The following CACNA1D variants were observed in gnomAD, a reference collection of about 807,000 sequenced individuals.
CACNA1D encodes calcium voltage-gated channel subunit alpha1 D.
In CACNA1D, 55 loss-of-function variants were observed where a neutral mutation model predicts 257.1. That is an observed-to-expected ratio of 0.21 (90% confidence interval 0.17 to 0.27). CACNA1D has a LOEUF of 0.27. CACNA1D is among the 10% of genes least tolerant of loss of function. CACNA1D has a pLI of 1.00. For missense variants in CACNA1D, 1,876 were observed against 2,784.0 expected, an observed-to-expected ratio of 0.67 and a Z score of 7.34; for synonymous variants, 980 against 1,014.9, an observed-to-expected ratio of 0.97 and a Z score of 0.65.
chr3:53,727,068 T>C, intron 15 of CACNA1D, 69 bp downstream of exon 15: 1 of 1,574,326 alleles, frequency 6.4e-7, no homozygotes. Context: ...TCCTCTGCAT[T>C]TCTCTGTGGT....
chr3:53,628,615 TA>T (rs1022696961), intron 3 of CACNA1D, among the ~76,000 whole-genome samples: 4 of 152,250 alleles, frequency 2.6e-5, no homozygotes, highest in African/African-American at 9.6e-5. Flanking sequence ...TTCAAGGTCT[TA>T]AAAAAAATCT....
In CACNA1D at chr3:53,789,224, G is replaced by A. The variant is rs1041039245; in HGVS notation, c.4923+2272G>A. Among the ~76,000 whole-genome samples, 2 of 152,188 alleles carry A rather than the reference G, an allele frequency of 1.3e-5. No homozygotes were observed. The highest frequency in any genetic ancestry group is 2.9e-5 in the Non-Finnish European group (2 of 68,044). ...GATGATACCAACATATTTTCGCATG[G>A]CTCCATTGGGAGCTGAAGCATCGTC... On this transcript the variant is annotated intron_variant, in intron 40 of 47. Coordinates refer to ENST00000350061, the MANE Select transcript of CACNA1D (RefSeq NM_001128840.3). The surrounding 1 kb of genome is among the most constrained non-coding windows in gnomAD (Gnocchi z 4.2).
At chr3:53,601,500 G>T (rs899740028) in intron 3 of CACNA1D, among the ~76,000 whole-genome samples, 1 of 152,078 alleles carries the variant, frequency 6.6e-6, no homozygotes, top group Non-Finnish European at 1.5e-5. Context: ...ATAATTCCTG[G>T]GATTCTAAAA....
chr3:53,759,532 T>C (rs541809270), intron 29 of CACNA1D, among the ~76,000 whole-genome samples: 12 of 152,250 alleles, frequency 7.9e-5, no homozygotes, highest in Non-Finnish European at 1.8e-4. Flanking sequence ...TTGTCAGTAC[T>C]CTGGAGGTCT....
chr3:53,511,781 T>C (rs2091123151), intron 3 of CACNA1D, among the ~76,000 whole-genome samples: 1 of 152,158 alleles, frequency 6.6e-6, no homozygotes, highest in South Asian at 2.1e-4. Flanking sequence ...TAAAATATAG[T>C]CCCATTAGAC....
intron 9 of CACNA1D, among the ~76,000 whole-genome samples, chr3:53,705,280 C>T (rs1260142671): frequency 6.6e-6 from 1 of 152,046 alleles, no homozygotes; most frequent in East Asian, 1.9e-4. Flanking sequence ...GGGGTGGGGG[C>T]TTTTTCAAGC....
intron 26 of CACNA1D, among the ~76,000 whole-genome samples, chr3:53,747,950 G>C (rs2095187396): frequency 6.6e-6 from 1 of 152,194 alleles, no homozygotes; most frequent in Non-Finnish European, 1.5e-5. Context: ...ACTGGGCTCT[G>C]GCTGACTGCG....
intron 42 of CACNA1D, 42 bp downstream of exon 42, chr3:53,801,467 GC>G: frequency 6.2e-7 from 1 of 1,609,452 alleles, no homozygotes; most frequent in Non-Finnish European, 8.5e-7. Context: ...TGTGGTGTCT[GC>G]CCGTGTTGCG....
At chr3:53,664,971 TAAC>T (rs1447701929) in intron 5 of CACNA1D, among the ~76,000 whole-genome samples, 2 of 152,058 alleles carry the variant, frequency 1.3e-5, no homozygotes, top group African/African-American at 4.8e-5. Flanking sequence ...TGCATTCTTC[TAAC>T]AACAGGCTCT....
At chr3:53,797,485 C>T (rs1182199438) in intron 40 of CACNA1D, among the ~76,000 whole-genome samples, 1 of 152,168 alleles carries the variant, frequency 6.6e-6, no homozygotes, top group Non-Finnish European at 1.5e-5. Context: ...TTCTTCTCTC[C>T]TCCTCTAATG....
Position 53,495,052 on chromosome 3 carries a change from A to C in CACNA1D, c.-115A>C. 1.7e-6 allele frequency: 1 copy of C among 589,790 alleles called. No individual in the cohort carries two copies. Among genetic ancestry groups the C allele is most frequent in the Non-Finnish European group, 3.2e-6 (1 of 311,876 alleles). The allele number at this position is 589,790 out of a possible 1,614,324, so 36.5% of individuals were successfully genotyped here. A position where few individuals can be genotyped will look rare whatever the true frequency, so the allele number is the denominator to read the frequency against. On this transcript the variant is annotated 5_prime_UTR_variant, in exon 1 of 48. Coordinates refer to ENST00000350061, the MANE Select transcript of CACNA1D (RefSeq NM_001128840.3). This position sits in a 1 kb window ranked among gnomAD's most constrained non-coding sequence, Gnocchi z 5.1. ...TCCCCACCCCCCTGCTGAAGCGAGA[A>C]TAAGGGCAGGGACCGCGGCTCCTAC...
intron 5 of CACNA1D, among the ~76,000 whole-genome samples, chr3:53,665,318 A>G (rs1257692449): frequency 6.6e-6 from 1 of 152,222 alleles, no homozygotes; most frequent in Non-Finnish European, 1.5e-5. Flanking sequence ...ATATTGCTCC[A>G]AAGCACCAAA....
intron 8 of CACNA1D, among the ~76,000 whole-genome samples, chr3:53,677,269 C>T (rs1005808114): frequency 1.3e-5 from 2 of 152,136 alleles, no homozygotes; most frequent in African/African-American, 4.8e-5. Flanking sequence ...GGATGTGGCT[C>T]CAACCCCCAG....
At chr3:53,559,846 G>T (rs1005734788) in intron 3 of CACNA1D, among the ~76,000 whole-genome samples, 1 of 152,064 alleles carries the variant, frequency 6.6e-6, no homozygotes, top group African/African-American at 2.4e-5. Flanking sequence ...AAGGCCAAGC[G>T]CTTGAAGGTC....
chr3:53,653,512 C>T (rs1054025972), intron 4 of CACNA1D, among the ~76,000 whole-genome samples: 39 of 150,600 alleles, frequency 2.6e-4, no homozygotes, highest in African/African-American at 2.4e-4. Context: ...AAAGATGGGA[C>T]AATATAAAAA....
intron 8 of CACNA1D, among the ~76,000 whole-genome samples, chr3:53,688,690 C>CA (rs2094494363): frequency 6.6e-6 from 1 of 152,150 alleles, no homozygotes. Context: ...GCACTTGGCG[C>CA]ATTAGCCTGA....
At position 53,725,414 on chromosome 3, in the gene CACNA1D, C is replaced by T. The variant is rs149066605; in HGVS notation, c.2100+1415C>T. Reference sequence around the variant, plus strand: ...ACATACACAGGGCTCCAGTAGGTGACCCTGAACACGCATCAGAGGGCACAT... The same window carrying T: ...ACATACACAGGGCTCCAGTAGGTGATCCTGAACACGCATCAGAGGGCACAT... On this transcript the variant is annotated intron_variant, in intron 14 of 47. Transcript: ENST00000350061. Among the ~76,000 whole-genome samples the T allele has an allele frequency of 2.7e-3, 411 of 152,250 alleles. 1 individual carries two copies. Among genetic ancestry groups the T allele is most frequent in the African/African-American group, 9.7e-3 (405 of 41,540 alleles).
chr3:53,621,203 G>C (rs1465680602), intron 3 of CACNA1D, among the ~76,000 whole-genome samples: 2 of 152,160 alleles, frequency 1.3e-5, no homozygotes, highest in Non-Finnish European at 2.9e-5. Flanking sequence ...CGGGACTGGG[G>C]ATGCAGCTCC....
chr3:53,673,609 G>T lies in CACNA1D; in HGVS notation c.1220+483G>T. ...GACCTAGGCCCAGTCCCTGTCCTAG[G>T]AGCACTAACCTTCAGCAAAGCACTG... On this transcript the variant is annotated intron_variant, in intron 8 of 47. Transcript: ENST00000350061. The surrounding 1 kb of genome is among the most constrained non-coding windows in gnomAD (Gnocchi z 4.1). 1 of 852,952 alleles carries T rather than the reference G, an allele frequency of 1.2e-6. No homozygotes were observed. The highest frequency in any genetic ancestry group is 1.3e-5 in the South Asian group (1 of 74,562). 52.8% of individuals were successfully genotyped at this position (852,952 alleles called of 1,614,324 possible).
Sources: allele counts gnomAD v4.1 joint callset (sites outside exome capture counted in the v4.1 genomes callset), GRCh38; gene constraint gnomAD v4.1.1; non-coding constraint Gnocchi (gnomAD v3.1); transcripts MANE v1.5; gene names NCBI Gene and HGNC (gene_info 2026-07-23, HGNC 2026-07-21).